MTERF3: variants seen among roughly 807,000 people sequenced by gnomAD.
MTERF3 encodes the protein mitochondrial transcription termination factor 3.
A neutral mutation model predicts 40.5 loss-of-function variants in MTERF3; 40 were observed. That is an observed-to-expected ratio of 0.99 (90% CI 0.77 to 1.29). The LOEUF (loss-of-function observed/expected upper bound fraction) is 1.29. Among genes scored for constraint, MTERF3 ranks in the 50% most tolerant of loss-of-function variants. MTERF3 has a pLI of 0.00. For synonymous variants in MTERF3, 158 were observed against 166.6 expected (o/e 0.95, Z 0.40); for missense variants, 452 against 478.2 (o/e 0.95, Z 0.51).
At position 96,258,500 on chromosome 8, in the gene MTERF3, G is replaced by C; in HGVS notation, c.191C>G (p.Ser64Cys). 6.2e-7 allele frequency: 1 copy of C among 1,614,158 alleles called. No individual in the cohort carries two copies. Among genetic ancestry groups the C allele is most frequent in the East Asian group, 2.2e-5 (1 of 44,872 alleles). The part of the protein sequence containing the change: ...LQWGFKTYRT[S>C]SLWNSSQSTS... ...AGACTGGGAACTATTCCATAAGGAG[G>C]AAGTCCTGTAAGTCTTAAATCCCCA... is the stretch of plus-strand genomic sequence containing the variant. The change falls in exon 2 of 8, where the codon TCC (serine) becomes TGC (cysteine). Residue 64 changes from serine to cysteine, a missense_variant. By Grantham distance (112) the Ser-to-Cys change is moderately radical. Transcript: ENST00000287025.
intron 1 of MTERF3, among the ~76,000 whole-genome samples, chr8:96,261,164 A>G (rs1453399949): frequency 6.6e-6 from 1 of 152,236 alleles, no homozygotes; most frequent in African/African-American, 2.4e-5. Flanking sequence ...AATGCTATAA[A>G]TGAAATCAGG....
chr8:96,247,959 C>T (rs936819221), intron 4 of MTERF3, among the ~76,000 whole-genome samples: 1 of 152,160 alleles, frequency 6.6e-6, no homozygotes, highest in Non-Finnish European at 1.5e-5. Flanking sequence ...AGAAATTCAA[C>T]ATATGAAAAG....
intron 7 of MTERF3, among the ~76,000 whole-genome samples, chr8:96,240,456 T>C (rs575057562): frequency 3.0e-4 from 45 of 152,282 alleles, no homozygotes; most frequent in African/African-American, 9.9e-4. Flanking sequence ...CTCTCCCTTT[T>C]TTAAAATTTG....
intron 3 of MTERF3, among the ~76,000 whole-genome samples, chr8:96,252,571 T>A (rs186163964): frequency 6.6e-6 from 1 of 152,302 alleles, no homozygotes; most frequent in East Asian, 1.9e-4. Context: ...GGGTAAGAGG[T>A]CCTTCTCTTA....
At chr8:96,251,446 T>C (rs1810183789) in intron 3 of MTERF3, among the ~76,000 whole-genome samples, 1 of 152,224 alleles carries the variant, frequency 6.6e-6, no homozygotes, top group African/African-American at 2.4e-5. Context: ...AACTGGTAAT[T>C]CTGCAGGGTA....
intron 4 of MTERF3, among the ~76,000 whole-genome samples, chr8:96,250,163 C>A (rs1810097795): frequency 6.6e-6 from 1 of 151,938 alleles, no homozygotes; most frequent in Admixed American, 6.6e-5. Context: ...AAACAAGGAA[C>A]AACCAAAATA....
Position 96,243,965 on chromosome 8 carries a change from T to C in MTERF3, c.1013A>G (p.His338Arg). The change falls in exon 7 of 8, where the codon CAC becomes CGC. Residue 338 changes from histidine (H) to arginine (R), a missense_variant. His to Arg is a conservative substitution (Grantham distance 29). Coordinates refer to ENST00000287025, the MANE Select transcript of MTERF3 (RefSeq NM_015942.5). The stretch of plus-strand genomic sequence containing the variant: ...GTGGTGGGGAATGCTCATCACATTG[T>C]GCACAAAATCAAACGTCTCGGTAAG... ...MKLTETFDFV[H>R]NVMSIPHHII... 6.2e-7 allele frequency: 1 copy of C among 1,614,188 alleles called. No homozygotes were observed. Among genetic ancestry groups the C allele is most frequent in the Non-Finnish European group, 8.5e-7 (1 of 1,180,022 alleles).
chr8:96,258,603 A>G lies in MTERF3; in HGVS notation c.88T>C (p.Phe30Leu), dbSNP rs1406603662. The change falls in exon 2 of 8, where the codon TTT (phenylalanine) becomes CTT (leucine). Residue 30 changes from phenylalanine (F) to leucine (L), a missense_variant. Physicochemically the swap from Phe to Leu is conservative, Grantham distance 22. Transcript: ENST00000287025. ...LINAAQLTKR[F>L]TRPARTLLHG... Reference sequence around the variant, plus strand: ...AACAGTGTTCTTGCTGGTCTAGTAAAACGTTTTGTGAGTTGTGCAGCATTA... The same window carrying G: ...AACAGTGTTCTTGCTGGTCTAGTAAGACGTTTTGTGAGTTGTGCAGCATTA... 1 of 1,614,176 alleles carries G rather than the reference A, an allele frequency of 6.2e-7. No homozygotes were observed. Among genetic ancestry groups the G allele is most frequent in the Admixed American group, 1.7e-5 (1 of 60,028 alleles).
intron 3 of MTERF3, among the ~76,000 whole-genome samples, chr8:96,252,322 T>C (rs1050478975): frequency 2.0e-5 from 3 of 152,370 alleles, no homozygotes; most frequent in African/African-American, 4.8e-5. Context: ...AGATAGACTA[T>C]TTGTTAAAAT....
intron 4 of MTERF3, among the ~76,000 whole-genome samples, chr8:96,250,564 A>T (rs900172443): frequency 6.9e-6 from 1 of 144,792 alleles, no homozygotes; most frequent in East Asian, 2.0e-4. Context: ...TACAAAAATT[A>T]GCCAGGCATG....
intron 4 of MTERF3, 62 bp downstream of exon 4, chr8:96,250,844 C>A (rs1252923832): frequency 1.4e-5 from 20 of 1,468,602 alleles, no homozygotes; most frequent in Non-Finnish European, 1.9e-5. Context: ...AGAATACCTT[C>A]CACATATATT....
At chr8:96,250,705 G>A (rs1180219132) in intron 4 of MTERF3, among the ~76,000 whole-genome samples, 43 of 76,052 alleles carry the variant, frequency 5.7e-4, no homozygotes, top group South Asian at 1.9e-3. Context: ...GGGGGGGAGG[G>A]GGAGGGGGAG....
intron 4 of MTERF3, among the ~76,000 whole-genome samples, chr8:96,250,329 G>GT (rs35632317): frequency 0.066 from 9,200 of 138,754 alleles, 917 homozygotes; most frequent in African/African-American, 0.22. Context: ...TTGTTGATGG[G>GT]TTTTTTTTTT....
At chr8:96,250,560 A>T (rs1308692518) in intron 4 of MTERF3, among the ~76,000 whole-genome samples, 1 of 144,906 alleles carries the variant, frequency 6.9e-6, no homozygotes, top group African/African-American at 2.6e-5. Flanking sequence ...AAAATACAAA[A>T]ATTAGCCAGG....
intron 1 of MTERF3, among the ~76,000 whole-genome samples, chr8:96,260,644 AG>A (rs1810366139): frequency 6.6e-6 from 1 of 152,246 alleles, no homozygotes; most frequent in Admixed American, 6.5e-5. Context: ...CTTAAACATC[AG>A]GAAGACTCAC....
rs767848623 is a variant in MTERF3 at position 96,250,985 on chromosome 8, T to C, written c.598A>G (p.Ile200Val). The C allele has an allele frequency of 6.2e-7, 1 of 1,608,024 alleles. No homozygotes were observed. The highest frequency in any genetic ancestry group is 8.5e-7 in the Non-Finnish European group (1 of 1,178,626). ...AATGCTCCCAGTTGGTTATCCTCTATACCCACATCTTTAAGAAACAGAAGC... is the reference window on the plus strand; with the variant it reads ...AATGCTCCCAGTTGGTTATCCTCTACACCCACATCTTTAAGAAACAGAAGC... ...QMLLFLKDVGIEDNQLGAFLT... is the reference protein window; with the variant it reads ...QMLLFLKDVGVEDNQLGAFLT... Residue 200 changes from isoleucine to valine, a missense_variant, in exon 4 of 8, where the codon ATA becomes GTA. By Grantham distance (29) the Ile-to-Val change is conservative (BLOSUM62 3). Coordinates refer to ENST00000287025, the MANE Select transcript of MTERF3 (RefSeq NM_015942.5).
chr8:96,261,233 G>A (rs1810380379), intron 1 of MTERF3, among the ~76,000 whole-genome samples: 1 of 152,196 alleles, frequency 6.6e-6, no homozygotes, highest in Non-Finnish European at 1.5e-5. Context: ...TACTTCCCAG[G>A]CCATTTTAGC....
In MTERF3 at chr8:96,253,909, G is replaced by C. The variant is rs111917763; in HGVS notation, c.488-2814C>G. ...TATAGTCCCAGCTACTTGCGGGGCT[G>C]AGGTGGGAGGATCACTTGAGCCCAG... On this transcript the variant is annotated intron_variant, in intron 3 of 7. Transcript: ENST00000287025. Among the ~76,000 whole-genome samples the C allele has an allele frequency of 4.3e-3, 651 of 152,110 alleles. 2 individuals are homozygous for C. The highest frequency in any genetic ancestry group is 0.015 in the African/African-American group (609 of 41,502).
At position 96,246,356 on chromosome 8, in the gene MTERF3, T is replaced by C. The variant is rs1171112658; in HGVS notation, c.776A>G (p.Asp259Gly). The change falls in exon 5 of 8, where the codon GAT becomes GGT. Residue 259 changes from aspartate to glycine, a missense_variant. By Grantham distance (94) the Asp-to-Gly change is moderately conservative. Coordinates refer to ENST00000287025, the MANE Select transcript of MTERF3 (RefSeq NM_015942.5). ...TTTCTGAAAAAATCCCAATCTGTTA[T>C]CCAGTCTTTCCACTGAAAAGTTCAG... ...FLLNFSVERL[D>G]NRLGFFQKEL... 4.3e-6 allele frequency: 7 copies of C among 1,612,458 alleles called. No individual in the cohort carries two copies. Among genetic ancestry groups the C allele is most frequent in the Non-Finnish European group, 5.1e-6 (6 of 1,179,794 alleles).
Sources: gnomAD v4.1 joint callset for allele counts (sites outside exome capture counted in the v4.1 genomes callset) on GRCh38, gnomAD v4.1.1 for gene constraint, MANE v1.5 for transcripts, NCBI Gene and HGNC (gene_info 2026-07-23, HGNC 2026-07-21) for gene names.